Variants in CMIP observed in about 807,000 individuals in gnomAD.
CMIP encodes the protein c-Maf inducing protein, also known as C-Maf-inducing protein.
Under a neutral mutation model 97.3 loss-of-function variants are expected in CMIP, and 13 were observed. That is an observed-to-expected ratio of 0.13 (90% CI 0.09 to 0.21). The LOEUF (loss-of-function observed/expected upper bound fraction) is 0.21. Among genes scored for constraint, CMIP ranks in the 10% least tolerant of loss-of-function variants. The pLI, the probability that CMIP is intolerant of heterozygous loss-of-function variation, is 1.00. For missense variants in CMIP, 847 were observed against 1,024.9 expected (o/e 0.83, Z 2.37); for synonymous variants, 538 against 436.3 (o/e 1.23, Z -2.91).
intron 1 of CMIP, among the ~76,000 whole-genome samples, chr16:81,555,951 A>T (rs978782509): frequency 1.3e-5 from 2 of 152,194 alleles, no homozygotes; most frequent in Admixed American, 1.3e-4. Flanking sequence ...ACCTTGGTAT[A>T]CAGGAAGTGT....
intron 3 of CMIP, among the ~76,000 whole-genome samples, chr16:81,639,869 A>G (rs2092282769): frequency 6.6e-6 from 1 of 152,230 alleles, no homozygotes; most frequent in East Asian, 1.9e-4. Context: ...GCCAGGGTCA[A>G]GAACCCTGCC....
rs1041024393 is a variant in CMIP at position 81,621,787 on chromosome 16, C to A, written c.477+861C>A. 1 of 152,594 alleles carries A rather than the reference C, an allele frequency of 6.6e-6. No individual in the cohort carries two copies. Among genetic ancestry groups the A allele is most frequent in the Non-Finnish European group, 1.5e-5 (1 of 68,066 alleles). The allele number at this position is 152,594 out of a possible 1,614,324, so 9.5% of individuals were successfully genotyped here. The stretch of plus-strand genomic sequence containing the variant: ...GTGCCATGTCACGTGTTGGGAGGAC[C>A]CAGGGAACACTCAGGATTCCTCTCA... On this transcript the variant is annotated intron_variant, in intron 3 of 20. Transcript: ENST00000537098. The surrounding 1 kb of genome is among the most constrained non-coding windows in gnomAD (Gnocchi z 4.1).
chr16:81,595,087 A>G (rs971766992), intron 1 of CMIP, among the ~76,000 whole-genome samples: 1 of 151,748 alleles, frequency 6.6e-6, no homozygotes, highest in African/African-American at 2.4e-5. Flanking sequence ...TTTTCAGACC[A>G]TAGTTGACCA....
Position 81,711,643 on chromosome 16 carries a change from C to T in CMIP, c.*1844C>T, listed in dbSNP as rs911932213. The T allele has an allele frequency of 6.7e-6, 1 of 148,608 alleles. No individual in the cohort carries two copies. Among genetic ancestry groups the T allele is most frequent in the Admixed American group, 6.7e-5 (1 of 14,932 alleles). The allele number at this position is 148,608 out of a possible 1,614,324, so 9.2% of individuals were successfully genotyped here. A position where few individuals can be genotyped will look rare whatever the true frequency, so the allele number is the denominator to read the frequency against. ...GAAAAAAAAAAAAGAAGAAACAAGA[C>T]ATGCCACCTTTCCCCTCGCACTGTT... On this transcript the variant is annotated 3_prime_UTR_variant, in exon 21 of 21. Transcript: ENST00000537098.
At chr16:81,605,584 A>G (rs894522068) in intron 1 of CMIP, among the ~76,000 whole-genome samples, 1 of 152,124 alleles carries the variant, frequency 6.6e-6, no homozygotes, top group African/African-American at 2.4e-5. Flanking sequence ...CTTCTCTCCA[A>G]CGCATCGCTT....
rs377178107 is a variant in CMIP at position 81,557,587 on chromosome 16, C to T, written c.301-49980C>T. 3.3e-5 allele frequency among the ~76,000 whole-genome samples: 5 copies of T among 152,210 alleles called. No individual in the cohort carries two copies. The East Asian group carries it at 9.7e-4, about 29-fold the overall frequency. ...AAATAAAAATGGGAGGACTAGGCAG[C>T]ACAGTGAGACCTCGTTTCTACAGAA... On this transcript the variant is annotated intron_variant, in intron 1 of 20. Coordinates refer to ENST00000537098, the MANE Select transcript of CMIP (RefSeq NM_198390.3).
rs150905297 is a variant in CMIP, at chr16:81,522,875, T to TAC, written c.300+77348_300+77349dup. On this transcript the variant is annotated intron_variant, in intron 1 of 20. Transcript: ENST00000537098. ...TGCATCTTCACATTTAAAATATTTTTACACACACACACACATAATCATAAA... is the reference window on the plus strand; with the variant it reads ...TGCATCTTCACATTTAAAATATTTTTACACACACACACACACATAATCATAAA... 4.3e-3 allele frequency among the ~76,000 whole-genome samples: 649 copies of TAC among 152,116 alleles called. 8 individuals are homozygous for TAC. The highest frequency in any genetic ancestry group is 0.025 in the East Asian group (127 of 5,182).
At chr16:81,692,311 C>T (rs1906180887) in intron 11 of CMIP, among the ~76,000 whole-genome samples, 1 of 152,248 alleles carries the variant, frequency 6.6e-6, no homozygotes, top group East Asian at 1.9e-4. Flanking sequence ...ACGCTCAGCT[C>T]AGGCTCTGCA....
chr16:81,513,535 G>A (rs2089853517), intron 1 of CMIP, among the ~76,000 whole-genome samples: 1 of 152,236 alleles, frequency 6.6e-6, no homozygotes, highest in Non-Finnish European at 1.5e-5. Context: ...TGCCGTGTCG[G>A]GGACACCTTC....
Position 81,707,023 on chromosome 16 carries a change from G to T in CMIP, c.2207G>T (p.Ser736Ile), listed in dbSNP as rs750116568. The change falls in exon 20 of 21, where the codon AGT becomes ATT. Residue 736 changes from serine (S) to isoleucine (I), a missense_variant. Physicochemically the swap from Ser to Ile is moderately radical, Grantham distance 142 (BLOSUM62 -2). Around this residue, in one of 4 missense-constraint regions of CMIP, gnomAD observed 266 missense variants for 384.2 expected, o/e 0.69. Transcript: ENST00000537098. ...TCTGTCTCTTGTGCAGCCATGAAGA[G>T]TCTCTGCAGTTTAAACATGAACAGC... ...AGLLALSSMK[S>I]LCSLNMNSTK... 1 of 1,613,684 alleles carries T rather than the reference G, an allele frequency of 6.2e-7. No homozygotes were observed. The highest frequency in any genetic ancestry group is 8.5e-7 in the Non-Finnish European group (1 of 1,179,722).
At chr16:81,530,318 C>A (rs1048597001) in intron 1 of CMIP, among the ~76,000 whole-genome samples, 1 of 152,146 alleles carries the variant, frequency 6.6e-6, no homozygotes, top group East Asian at 1.9e-4. Context: ...GAAATAAAAT[C>A]CCAGTAAAGG....
intron 1 of CMIP, among the ~76,000 whole-genome samples, chr16:81,558,585 G>A (rs1405125099): frequency 6.6e-6 from 1 of 152,234 alleles, no homozygotes; most frequent in African/African-American, 2.4e-5. Flanking sequence ...CAGTGCCCAG[G>A]TGGAGACAGC....
At chr16:81,650,038 C>T (rs950787792) in intron 3 of CMIP, among the ~76,000 whole-genome samples, 1 of 152,204 alleles carries the variant, frequency 6.6e-6, no homozygotes, top group Non-Finnish European at 1.5e-5. Flanking sequence ...AGGAAGGAGG[C>T]TGGTTATGGT....
chr16:81,477,256 A>C (rs1200928601), intron 1 of CMIP, among the ~76,000 whole-genome samples: 2 of 152,124 alleles, frequency 1.3e-5, no homozygotes, highest in Non-Finnish European at 2.9e-5. Context: ...CCTGGGTTCA[A>C]GTAATTTCCT....
intron 1 of CMIP, among the ~76,000 whole-genome samples, chr16:81,565,908 C>T (rs367655888): frequency 3.3e-5 from 5 of 152,284 alleles, no homozygotes; most frequent in South Asian, 2.1e-4. Context: ...ACAGATGTCA[C>T]GGGGGGACAT....
chr16:81,545,886 T>G (rs9931605), intron 1 of CMIP, among the ~76,000 whole-genome samples: 2 of 151,950 alleles, frequency 1.3e-5, no homozygotes, highest in African/African-American at 4.8e-5. Context: ...CCCACATGCC[T>G]GTAAGAGAAT....
intron 1 of CMIP, among the ~76,000 whole-genome samples, chr16:81,537,544 G>GAAAAA (rs2090366403): frequency 4.7e-5 from 1 of 21,080 alleles, no homozygotes; most frequent in African/African-American, 2.1e-4. Context: ...CCAAAAAAAA[G>GAAAAA]ACAAAAAAAA....
At chr16:81,595,383 C>T (rs961827264) in intron 1 of CMIP, among the ~76,000 whole-genome samples, 4 of 148,258 alleles carry the variant, frequency 2.7e-5, no homozygotes, top group African/African-American at 9.9e-5. Flanking sequence ...TTCTTTCCTT[C>T]TTTCTTTTTT....
chr16:81,517,430 C>G (rs1217520890), intron 1 of CMIP, among the ~76,000 whole-genome samples: 1 of 152,204 alleles, frequency 6.6e-6, no homozygotes, highest in Admixed American at 6.5e-5. Flanking sequence ...ATGTTATTGT[C>G]TAAGACTCAT....
Sources: gnomAD v4.1 joint callset for allele counts (sites outside exome capture counted in the v4.1 genomes callset) on GRCh38, gnomAD v4.1.1 for gene constraint, gnomAD v4.1.1 regional missense constraint, Gnocchi (gnomAD v3.1) non-coding constraint, MANE v1.5 for transcripts, NCBI Gene and HGNC (gene_info 2026-07-23, HGNC 2026-07-21) for gene names.